The following PTPRG variants were observed in gnomAD, a reference collection of about 807,000 sequenced individuals.
The protein encoded by PTPRG is receptor-type tyrosine-protein phosphatase gamma.
PTPRG carries 102 observed loss-of-function variants against 165.3 expected under a neutral mutation model. The ratio of observed to expected loss-of-function variants is 0.62; its 90% CI spans 0.53 to 0.73. The LOEUF (loss-of-function observed/expected upper bound fraction) is 0.73. PTPRG is among the 30% of genes least tolerant of loss of function. The probability of loss-of-function intolerance (pLI) is 0.00; values close to 1 mark genes in which losing one functional copy is unlikely to be tolerated. For missense variants in PTPRG, 1,866 were observed against 1,861.4 expected (o/e 1.00, Z -0.05); for synonymous variants, 675 against 669.5 (o/e 1.01, Z -0.13).
At position 61,748,940 on chromosome 3, in the gene PTPRG, C is replaced by A; in HGVS notation, c.148C>A (p.Arg50Ser). 1 of 1,612,032 alleles carries A rather than the reference C, an allele frequency of 6.2e-7. No homozygotes were observed. The highest frequency in any genetic ancestry group is 8.5e-7 in the Non-Finnish European group (1 of 1,179,178). Residue 50 changes from arginine (R) to serine (S), a missense_variant, in exon 2 of 30, where the codon CGC (arginine) becomes AGC (serine). Physicochemically the swap from Arg to Ser is moderately radical, Grantham distance 110. This residue lies in a region of PTPRG where 408 missense variants were observed against 376.2 expected (regional missense o/e 1.08). Coordinates refer to ENST00000474889, the MANE Select transcript of PTPRG (RefSeq NM_002841.4). ...ENRHGSAVQI[R>S]RRKASGDPYW... ...TAGACACGGCAGCGCAGTGCAGATC[C>A]GCAGGCGCAAGGCTTCAGGCGACCC...
intron 1 of PTPRG, among the ~76,000 whole-genome samples, chr3:61,731,959 G>A (rs2106838081): frequency 6.6e-6 from 1 of 151,974 alleles, no homozygotes; most frequent in East Asian, 2.0e-4. Context: ...CCACTACCAT[G>A]TCCAGCTAAT....
In PTPRG at chr3:62,195,135, T is replaced by C. The variant is rs759728947; in HGVS notation, c.1292T>C (p.Met431Thr). The change falls in exon 10 of 30, where the codon ATG becomes ACG. Residue 431 changes from methionine to threonine, a missense_variant. Coordinates refer to ENST00000474889, the MANE Select transcript of PTPRG (RefSeq NM_002841.4). The surrounding 1 kb of genome is among the most constrained non-coding windows in gnomAD (Gnocchi z 4.4). ...FRVQAVCRNDMRSDFSQTMLF... is the reference protein window; with the variant it reads ...FRVQAVCRNDTRSDFSQTMLF... ...GTCCAGGCCGTGTGTCGGAACGACATGCGCAGCGACTTTAGCCAGACGATG... is the reference window on the plus strand; with the variant it reads ...GTCCAGGCCGTGTGTCGGAACGACACGCGCAGCGACTTTAGCCAGACGATG... The C allele has an allele frequency of 1.9e-5, 31 of 1,614,106 alleles. No homozygotes were observed. The highest frequency in any genetic ancestry group is 1.2e-4 in the Admixed American group (7 of 60,008).
chr3:61,738,551 CT>C (rs1310055558), intron 1 of PTPRG, among the ~76,000 whole-genome samples: 239 of 140,166 alleles, frequency 1.7e-3, no homozygotes, highest in Middle Eastern at 3.6e-3. Flanking sequence ...GATGAATCTG[CT>C]TTTTTTTTTT....
chr3:62,226,237 C>T (rs530489668), intron 13 of PTPRG, among the ~76,000 whole-genome samples: 1 of 152,322 alleles, frequency 6.6e-6, no homozygotes, highest in South Asian at 2.1e-4. Flanking sequence ...GTGGCATATA[C>T]TTCCCTCCAT....
chr3:62,152,934 G>A (rs1704390220), intron 6 of PTPRG, among the ~76,000 whole-genome samples: 1 of 152,152 alleles, frequency 6.6e-6, no homozygotes, highest in Admixed American at 6.5e-5. Flanking sequence ...TGGCCCCTGG[G>A]CTAAGAATGG....
At chr3:61,796,174 A>G (rs2035038329) in intron 2 of PTPRG, among the ~76,000 whole-genome samples, 1 of 152,206 alleles carries the variant, frequency 6.6e-6, no homozygotes, top group African/African-American at 2.4e-5. Flanking sequence ...CCCAAATGTT[A>G]TCTATTGAGC....
chr3:61,917,920 G>A (rs185806061), intron 2 of PTPRG, among the ~76,000 whole-genome samples: 9 of 152,218 alleles, frequency 5.9e-5, no homozygotes, highest in African/African-American at 2.2e-4. Flanking sequence ...CAACAAGAGC[G>A]AAACTCTGTC....
intron 14 of PTPRG, among the ~76,000 whole-genome samples, chr3:62,231,788 G>GTATATCCA (rs1215885327): frequency 6.6e-6 from 1 of 151,634 alleles, no homozygotes; most frequent in African/African-American, 2.4e-5. Context: ...AAACATGGAT[G>GTATATCCA]TACTATGTGT....
chr3:62,265,320 G>T (rs1189480925), intron 17 of PTPRG, among the ~76,000 whole-genome samples: 1 of 152,088 alleles, frequency 6.6e-6, no homozygotes, highest in African/African-American at 2.4e-5. Flanking sequence ...AATTGTTTCT[G>T]AATTGTACTA....
chr3:62,230,251 A>C (rs1383294911), intron 13 of PTPRG, among the ~76,000 whole-genome samples: 3 of 152,344 alleles, frequency 2.0e-5, no homozygotes, highest in East Asian at 3.9e-4. Context: ...AGGGTGAAGA[A>C]AACCTAACAC....
At chr3:61,837,786 G>A (rs2036513711) in intron 2 of PTPRG, among the ~76,000 whole-genome samples, 1 of 152,202 alleles carries the variant, frequency 6.6e-6, no homozygotes, top group Non-Finnish European at 1.5e-5. Flanking sequence ...CAAACTGGGT[G>A]ACTTAACAGA....
chr3:61,705,049 C>T (rs957782116), intron 1 of PTPRG, among the ~76,000 whole-genome samples: 5 of 152,184 alleles, frequency 3.3e-5, no homozygotes, highest in African/African-American at 1.2e-4. Context: ...GGTGTGAACA[C>T]AGGTGCTGGA....
chr3:62,180,449 A>C (rs1366536946), intron 8 of PTPRG, among the ~76,000 whole-genome samples: 1 of 152,220 alleles, frequency 6.6e-6, no homozygotes, highest in Non-Finnish European at 1.5e-5. Context: ...TCAGACACTC[A>C]GTTGGAGCCC....
intron 1 of PTPRG, among the ~76,000 whole-genome samples, chr3:61,609,008 G>C (rs1281220023): frequency 2.6e-5 from 4 of 152,216 alleles, no homozygotes; most frequent in African/African-American, 4.8e-5. Flanking sequence ...TGCCCTCGAT[G>C]TGTGAGGTTG....
At chr3:62,147,114 A>G (rs1576062343) in intron 6 of PTPRG, among the ~76,000 whole-genome samples, 1 of 152,174 alleles carries the variant, frequency 6.6e-6, no homozygotes, top group Non-Finnish European at 1.5e-5. Flanking sequence ...CCTCACTAGG[A>G]TGTTGATTCC....
At chr3:62,221,300 A>T (rs902419007) in intron 13 of PTPRG, among the ~76,000 whole-genome samples, 2 of 152,204 alleles carry the variant, frequency 1.3e-5, no homozygotes, top group South Asian at 4.1e-4. Context: ...ACTTCATCCA[A>T]CAGAGTCTGG....
intron 1 of PTPRG, among the ~76,000 whole-genome samples, chr3:61,698,844 A>C (rs2030766242): frequency 6.6e-6 from 1 of 152,234 alleles, no homozygotes; most frequent in Non-Finnish European, 1.5e-5. Context: ...CAGCCATAAA[A>C]AATGATGAGT....
At chr3:61,925,427 G>A (rs920328063) in intron 2 of PTPRG, among the ~76,000 whole-genome samples, 1 of 152,166 alleles carries the variant, frequency 6.6e-6, no homozygotes, top group African/African-American at 2.4e-5. Flanking sequence ...ATCACCGGAA[G>A]CCCAGCAAAC....
intron 8 of PTPRG, among the ~76,000 whole-genome samples, chr3:62,178,094 G>T (rs924654102): frequency 2.0e-5 from 3 of 151,984 alleles, no homozygotes; most frequent in African/African-American, 7.3e-5. Context: ...TCCATGGATG[G>T]ATAAGAGGAT....
Sources: allele counts gnomAD v4.1 joint callset (sites outside exome capture counted in the v4.1 genomes callset), GRCh38; gene constraint gnomAD v4.1.1; regional missense constraint gnomAD v4.1.1; non-coding constraint Gnocchi (gnomAD v3.1); transcripts MANE v1.5; gene names NCBI Gene and HGNC (gene_info 2026-07-23, HGNC 2026-07-21).